Variants in MRPS27 observed in about 807,000 individuals in gnomAD.
MRPS27 encodes the protein small ribosomal subunit protein mS27.
MRPS27 carries 43 observed loss-of-function variants against 48.9 expected under a neutral mutation model. The observed-to-expected ratio is 0.88, with a 90% confidence interval of 0.69 to 1.13. The LOEUF (loss-of-function observed/expected upper bound fraction) is 1.13. Ranked by LOEUF, MRPS27 falls within the 50% of genes most tolerant of loss-of-function variation. MRPS27 has a pLI of 0.00. For missense variants in MRPS27, 467 were observed against 476.3 expected, an observed-to-expected ratio of 0.98 and a Z score of 0.18; for synonymous variants, 188 against 171.9, an observed-to-expected ratio of 1.09 and a Z score of -0.73.
intron 8 of MRPS27, among the ~76,000 whole-genome samples, chr5:72,226,595 T>C (rs1561328864): frequency 6.6e-6 from 1 of 151,902 alleles, no homozygotes; most frequent in Non-Finnish European, 1.5e-5. Flanking sequence ...GAAAAAGAAA[T>C]CTCACAGCTT....
Position 72,221,025 on chromosome 5 carries a change from G to C in MRPS27, c.1129C>G (p.Gln377Glu). Residue 377 changes from glutamine to glutamate, a missense_variant, in exon 11 of 11, where the codon CAG (glutamine) becomes GAG (glutamate). Coordinates refer to ENST00000261413, the MANE Select transcript of MRPS27 (RefSeq NM_015084.3). ...TCTAGATGCCACTGCTGCAGATTCT[G>C]CTCATAGGTGGCGATGTCCTCTGCT... ...CEAEDIATYE[Q>E]NLQQWHLDLV... 6.2e-7 allele frequency: 1 copy of C among 1,614,220 alleles called. No individual in the cohort carries two copies. The highest frequency in any genetic ancestry group is 8.5e-7 in the Non-Finnish European group (1 of 1,180,040).
At chr5:72,243,081 T>C (rs1748403890) in intron 4 of MRPS27, among the ~76,000 whole-genome samples, 1 of 152,054 alleles carries the variant, frequency 6.6e-6, no homozygotes, top group Non-Finnish European at 1.5e-5. Context: ...GCTTTACAGA[T>C]GGGAACCTCA....
intron 4 of MRPS27, among the ~76,000 whole-genome samples, chr5:72,255,688 T>G (rs1748783301): frequency 6.6e-6 from 1 of 152,242 alleles, no homozygotes; most frequent in South Asian, 2.1e-4. Flanking sequence ...GGTAAGTATA[T>G]TATCCACACT....
intron 2 of MRPS27, among the ~76,000 whole-genome samples, chr5:72,311,567 T>C (rs1440379002): frequency 6.6e-6 from 1 of 152,168 alleles, no homozygotes; most frequent in Non-Finnish European, 1.5e-5. Flanking sequence ...GAAGTGGGAC[T>C]GGTGGCTTCA....
chr5:72,271,572 A>G (rs1322677730), intron 4 of MRPS27, among the ~76,000 whole-genome samples: 1 of 152,210 alleles, frequency 6.6e-6, no homozygotes, highest in Non-Finnish European at 1.5e-5. Context: ...TGACAGGTAA[A>G]TATAATGTGT....
chr5:72,246,782 T>C (rs146250420), intron 4 of MRPS27, among the ~76,000 whole-genome samples: 12 of 152,310 alleles, frequency 7.9e-5, no homozygotes, highest in Admixed American at 3.9e-4. Context: ...TTGATGTATA[T>C]AGTGAGATAA....
Position 72,226,956 on chromosome 5 carries a change from C to T in MRPS27, c.695-757G>A, listed in dbSNP as rs1355175684. 4 of 152,206 alleles carry T rather than the reference C, an allele frequency of 2.6e-5. No individual in the cohort carries two copies. The South Asian group carries it at 6.2e-4, about 24-fold the overall frequency. 9.4% of individuals were successfully genotyped at this position (152,206 alleles called of 1,614,324 possible). ...ACCTTGAGCTGCCCAGTCTTAAATC[C>T]ACCTTCTTTTATCTTTCCTGGGAAG... On this transcript the variant is annotated intron_variant, in intron 8 of 10. Transcript: ENST00000261413.
intron 4 of MRPS27, among the ~76,000 whole-genome samples, chr5:72,290,974 A>G (rs1015921026): frequency 6.6e-5 from 10 of 152,120 alleles, no homozygotes; most frequent in African/African-American, 2.4e-4. Flanking sequence ...GGTGATGGTG[A>G]TATCAAAATA....
intron 5 of MRPS27, among the ~76,000 whole-genome samples, chr5:72,237,385 C>T (rs1228782454): frequency 6.6e-6 from 1 of 152,080 alleles, no homozygotes; most frequent in Non-Finnish European, 1.5e-5. Flanking sequence ...GACTCAAAAA[C>T]AAAATCAGTA....
chr5:72,220,602 G>T lies in MRPS27; in HGVS notation c.*307C>A. On this transcript the variant is annotated 3_prime_UTR_variant, in exon 11 of 11. Coordinates refer to ENST00000261413, the MANE Select transcript of MRPS27 (RefSeq NM_015084.3). ...TTGGTTTCTCCCAGTACTGTCACTG[G>T]GTCTTAGGAACTTTAATGCTCATAA... 3.2e-6 allele frequency: 1 copy of T among 310,610 alleles called. No homozygotes were observed. Among genetic ancestry groups the T allele is most frequent in the Non-Finnish European group, 5.9e-6 (1 of 169,656 alleles). 19.2% of individuals were successfully genotyped at this position (310,610 alleles called of 1,614,324 possible). A position where few individuals can be genotyped will look rare whatever the true frequency, so the allele number is the denominator to read the frequency against.
chr5:72,286,251 G>T (rs1359799012), intron 4 of MRPS27, among the ~76,000 whole-genome samples: 1 of 152,100 alleles, frequency 6.6e-6, no homozygotes, highest in Non-Finnish European at 1.5e-5. Flanking sequence ...TTCTAAAATT[G>T]ATACGGAATG....
intron 2 of MRPS27, among the ~76,000 whole-genome samples, chr5:72,309,966 A>T (rs2112085714): frequency 6.6e-6 from 1 of 152,282 alleles, no homozygotes; most frequent in Middle Eastern, 3.4e-3. Context: ...AATTCAGATG[A>T]CCTGCAATGC....
At chr5:72,232,235 G>A (rs1337164456) in intron 7 of MRPS27, among the ~76,000 whole-genome samples, 1 of 152,100 alleles carries the variant, frequency 6.6e-6, no homozygotes, top group Non-Finnish European at 1.5e-5. Context: ...TTCAAAATAT[G>A]CACGAGGACT....
intron 2 of MRPS27, among the ~76,000 whole-genome samples, chr5:72,304,985 T>C (rs1455881293): frequency 5.3e-5 from 8 of 152,226 alleles, no homozygotes; most frequent in Non-Finnish European, 1.0e-4. Flanking sequence ...AGGCTGAAAC[T>C]GTTTTTGTTT....
intron 6 of MRPS27, among the ~76,000 whole-genome samples, chr5:72,233,030 C>G (rs183344628): frequency 1.2e-3 from 179 of 152,248 alleles, no homozygotes; most frequent in African/African-American, 4.1e-3. Context: ...AGCAGACAGG[C>G]TGGTCTGACT....
intron 4 of MRPS27, among the ~76,000 whole-genome samples, chr5:72,264,229 C>T (rs780529891): frequency 1.3e-5 from 2 of 152,014 alleles, no homozygotes; most frequent in African/African-American, 2.4e-5. Flanking sequence ...TGCCAGCAGC[C>T]GGAGAAGCAG....
chr5:72,241,548 T>C (rs765100440), intron 4 of MRPS27: 103 of 1,177,134 alleles, frequency 8.8e-5, no homozygotes, highest in Non-Finnish European at 1.2e-4. Flanking sequence ...AGAATTCCTG[T>C]TGGTGACTTT....
intron 4 of MRPS27, among the ~76,000 whole-genome samples, chr5:72,291,712 CCT>C (rs1209924010): frequency 1.3e-5 from 2 of 152,192 alleles, no homozygotes; most frequent in Non-Finnish European, 1.5e-5. Context: ...AGTTCACAGT[CCT>C]CTCTGAATTT....
chr5:72,232,176 C>A lies in MRPS27; in HGVS notation c.591+267G>T, dbSNP rs150827101. On this transcript the variant is annotated intron_variant, in intron 7 of 10. Coordinates refer to ENST00000261413, the MANE Select transcript of MRPS27 (RefSeq NM_015084.3). ...TGCCATGTCCAGCTCTCAGTGACTACCAATGACCCATTTCTGAATGTCTGA... is the reference window on the plus strand; with the variant it reads ...TGCCATGTCCAGCTCTCAGTGACTAACAATGACCCATTTCTGAATGTCTGA... Among the ~76,000 whole-genome samples the A allele has an allele frequency of 4.7e-3, 710 of 152,284 alleles. 5 individuals are homozygous for A. The highest frequency in any genetic ancestry group is 0.017 in the African/African-American group (686 of 41,556).
Sources: allele counts gnomAD v4.1 joint callset (sites outside exome capture counted in the v4.1 genomes callset), GRCh38; gene constraint gnomAD v4.1.1; transcripts MANE v1.5; gene names NCBI Gene and HGNC (gene_info 2026-07-23, HGNC 2026-07-21).